SHROOM3: variants seen among roughly 807,000 people sequenced by gnomAD.
SHROOM3 encodes protein Shroom3.
Under a neutral mutation model 138.6 loss-of-function variants are expected in SHROOM3, and 47 were observed. The observed-to-expected ratio is 0.34, with a 90% CI of 0.27 to 0.43. The LOEUF is 0.43. Ranked by LOEUF, SHROOM3 falls within the 20% of genes least tolerant of loss-of-function variation. The pLI is 1.00. For missense variants in SHROOM3, 2,491 were observed against 2,596.5 expected (o/e 0.96, Z 0.88); for synonymous variants, 1,062 against 1,063.3 (o/e 1.00, Z 0.02).
intron 2 of SHROOM3, among the ~76,000 whole-genome samples, chr4:76,693,991 ATC>A (rs1719649782): frequency 6.6e-6 from 1 of 151,948 alleles, no homozygotes; most frequent in African/African-American, 2.4e-5. Context: ...ACAAAACTCG[ATC>A]TCTCTATCAA....
At chr4:76,506,906 A>T (rs1461313511) in intron 1 of SHROOM3, among the ~76,000 whole-genome samples, 1 of 152,076 alleles carries the variant, frequency 6.6e-6, no homozygotes, top group Non-Finnish European at 1.5e-5. Flanking sequence ...TCCCCCATTT[A>T]TGATCCCATG....
intron 4 of SHROOM3, among the ~76,000 whole-genome samples, chr4:76,735,888 TA>T: frequency 8.1e-6 from 1 of 124,204 alleles, no homozygotes. Flanking sequence ...TATATATATA[TA>T]TATATATATA....
At chr4:76,586,449 C>T (rs1355901360) in intron 2 of SHROOM3, 1 of 985,366 alleles carries the variant, frequency 1.0e-6, no homozygotes, top group East Asian at 1.1e-4. Context: ...ATGGACCTGC[C>T]TGGGCATAGA....
chr4:76,462,377 A>C (rs1579169848), intron 1 of SHROOM3, among the ~76,000 whole-genome samples: 1 of 152,306 alleles, frequency 6.6e-6, no homozygotes, highest in East Asian at 1.9e-4. Context: ...GTCTCAAAAA[A>C]AAAAGCATGT....
chr4:76,440,134 C>T (rs1210540747), intron 1 of SHROOM3, among the ~76,000 whole-genome samples: 1 of 152,230 alleles, frequency 6.6e-6, no homozygotes, highest in East Asian at 1.9e-4. Context: ...TAAACAACAA[C>T]AGCAGCAACT....
Position 76,609,532 on chromosome 4 carries a change from A to T in SHROOM3, c.323+53769A>T, listed in dbSNP as rs796870012. On this transcript the variant is annotated intron_variant, in intron 2 of 10. Transcript: ENST00000296043. ...GAGATTCTCCTGCCTCAGCCTCCCA[A>T]ACTGTTGGGATTACAGGCGTGAGCC... is the stretch of plus-strand genomic sequence containing the variant. Among the ~76,000 whole-genome samples the T allele has an allele frequency of 5.6e-4, 85 of 152,258 alleles. 2 individuals carry two copies. Among genetic ancestry groups the T allele is most frequent in the African/African-American group, 1.9e-3 (81 of 41,540 alleles).
intron 1 of SHROOM3, among the ~76,000 whole-genome samples, chr4:76,537,658 A>T (rs908773083): frequency 6.6e-6 from 1 of 152,160 alleles, no homozygotes; most frequent in African/African-American, 2.4e-5. Flanking sequence ...GGTTCAATAT[A>T]TAATGTGAGA....
chr4:76,526,106 G>T (rs1004531376), intron 1 of SHROOM3, among the ~76,000 whole-genome samples: 1 of 152,224 alleles, frequency 6.6e-6, no homozygotes, highest in Non-Finnish European at 1.5e-5. Flanking sequence ...GGTGGCTCAT[G>T]CCTGTAATCC....
intron 1 of SHROOM3, among the ~76,000 whole-genome samples, chr4:76,522,333 T>C (rs1732583543): frequency 6.7e-6 from 1 of 150,214 alleles, no homozygotes; most frequent in Non-Finnish European, 1.5e-5. Flanking sequence ...TTTAGTGTGA[T>C]AATGATATAA....
chr4:76,754,594 G>C lies in SHROOM3; in HGVS notation c.4111G>C (p.Gly1371Arg). 6.2e-7 allele frequency: 1 copy of C among 1,614,132 alleles called. No individual in the cohort carries two copies. The highest frequency in any genetic ancestry group is 8.5e-7 in the Non-Finnish European group (1 of 1,180,010). The change falls in exon 7 of 11, where the codon GGT (glycine) becomes CGT (arginine). Residue 1371 changes from glycine (G) to arginine (R), a missense_variant. Physicochemically the swap from Gly to Arg is moderately radical, Grantham distance 125. Transcript: ENST00000296043. Reference protein sequence around the residue: ...AIPSGYCSQDGQTGRQPLPPY... With the variant: ...AIPSGYCSQDRQTGRQPLPPY... ...TCCCTCTGGCTACTGCTCACAGGAC[G>C]GTCAGACAGGGCGACAGCCTCTCCC... is the stretch of plus-strand genomic sequence containing the variant.
intron 1 of SHROOM3, among the ~76,000 whole-genome samples, chr4:76,453,825 G>A (rs2109971328): frequency 1.3e-5 from 2 of 152,198 alleles, no homozygotes; most frequent in East Asian, 3.9e-4. Context: ...CCATTCTGTG[G>A]ACTGCCTTTT....
intron 2 of SHROOM3, among the ~76,000 whole-genome samples, chr4:76,593,188 G>A (rs1365855517): frequency 6.6e-6 from 1 of 152,230 alleles, no homozygotes; most frequent in East Asian, 1.9e-4. Context: ...TAGAGATGCT[G>A]AATGAATGAA....
intron 1 of SHROOM3, among the ~76,000 whole-genome samples, chr4:76,452,354 ACT>A (rs989029692): frequency 5.9e-5 from 9 of 152,140 alleles, no homozygotes; most frequent in African/African-American, 1.7e-4. Flanking sequence ...CCAAACTGAA[ACT>A]CTGTATCCAT....
intron 2 of SHROOM3, among the ~76,000 whole-genome samples, chr4:76,639,247 C>T (rs892532584): frequency 2.6e-5 from 4 of 152,188 alleles, no homozygotes; most frequent in African/African-American, 9.7e-5. Flanking sequence ...CTGCTACCTA[C>T]TGTTGAGGTA....
In SHROOM3 at chr4:76,710,274, C is replaced by T. The variant is rs768503568; in HGVS notation, c.442C>T (p.Arg148Trp). 3.5e-5 allele frequency: 57 copies of T among 1,613,884 alleles called. No homozygotes were observed. The highest frequency in any genetic ancestry group is 3.3e-4 in the Middle Eastern group (2 of 6,084). ...KAAWSGGVKLRLKHRRSEPAG... is the reference protein window; with the variant it reads ...KAAWSGGVKLWLKHRRSEPAG... ...AGCGTGGTCAGGAGGGGTTAAACTT[C>T]GGCTGAAGCACAGGTAAGACGCACG... is the stretch of plus-strand genomic sequence containing the variant. The change falls in exon 3 of 11, where the codon CGG (arginine) becomes TGG (tryptophan). Residue 148 changes from arginine to tryptophan, a missense_variant. Coordinates refer to ENST00000296043, the MANE Select transcript of SHROOM3 (RefSeq NM_020859.4).
chr4:76,720,880 G>C (rs959131967), intron 3 of SHROOM3, among the ~76,000 whole-genome samples: 1 of 151,664 alleles, frequency 6.6e-6, no homozygotes, highest in Non-Finnish European at 1.5e-5. Context: ...AAAGTGCTGA[G>C]ATTACAGGCC....
chr4:76,698,006 GA>G (rs1238595133), intron 2 of SHROOM3, among the ~76,000 whole-genome samples: 1 of 152,144 alleles, frequency 6.6e-6, no homozygotes, highest in Non-Finnish European at 1.5e-5. Context: ...CAAACACTTA[GA>G]AAAGGTCTAC....
intron 2 of SHROOM3, among the ~76,000 whole-genome samples, chr4:76,601,367 C>T (rs961621663): frequency 6.6e-6 from 1 of 151,994 alleles, no homozygotes; most frequent in African/African-American, 2.4e-5. Flanking sequence ...ATTACCTGGC[C>T]CCAATTGTCA....
Position 76,574,226 on chromosome 4 carries a change from G to C in SHROOM3, c.323+18463G>C, listed in dbSNP as rs572463919. ...CTACTTCTATAACTTCAAGCTTCTT[G>C]TCTTAGTTGGGAGGGGTATCTTCTT... On this transcript the variant is annotated intron_variant, in intron 2 of 10. Transcript: ENST00000296043. Among the ~76,000 whole-genome samples, 3 of 152,182 alleles carry C rather than the reference G, an allele frequency of 2.0e-5. No individual in the cohort carries two copies. In the South Asian group the frequency reaches 6.2e-4, roughly 32 times the overall value.
Sources: allele counts gnomAD v4.1 joint callset (sites outside exome capture counted in the v4.1 genomes callset), GRCh38; gene constraint gnomAD v4.1.1; transcripts MANE v1.5; gene names NCBI Gene and HGNC (gene_info 2026-07-23, HGNC 2026-07-21).